ZNF451: variants seen among roughly 807,000 people sequenced by gnomAD.
The protein encoded by ZNF451 is zinc finger protein 451, also known as E3 SUMO-protein ligase ZNF451.
ZNF451 carries 80 observed loss-of-function variants against 107.1 expected under a neutral mutation model. The ratio of observed to expected loss-of-function variants is 0.75; its 90% CI spans 0.62 to 0.90. ZNF451 has a LOEUF of 0.90. ZNF451 is among the 40% of genes least tolerant of loss of function. ZNF451 has a pLI of 0.00. For missense variants in ZNF451, 1,107 were observed against 1,236.2 expected, an observed-to-expected ratio of 0.90 and a Z score of 1.57; for synonymous variants, 362 against 406.5, an observed-to-expected ratio of 0.89 and a Z score of 1.32.
chr6:57,141,491 A>G, intron 8 of ZNF451, 36 bp downstream of exon 8: 1 of 1,556,186 alleles, frequency 6.4e-7, no homozygotes, highest in East Asian at 2.3e-5. Context: ...AAATTAAACT[A>G]CTTGAATCTT....
At position 57,166,189 on chromosome 6, in the gene ZNF451, G is replaced by A. The variant is rs566717046; in HGVS notation, c.3140-2234G>A. Among the ~76,000 whole-genome samples the A allele has an allele frequency of 1.2e-4, 19 of 152,118 alleles. No homozygotes were observed. In the South Asian group the frequency reaches 3.3e-3, roughly 27 times the overall value. On this transcript the variant is annotated intron_variant, in intron 14 of 14. Transcript: ENST00000370706. Reference sequence around the variant, plus strand: ...ATTATAGGCATGTGCCACCACGCCCGCCTAATTTTTGTATTTTTGGTAGAG... The same window carrying A: ...ATTATAGGCATGTGCCACCACGCCCACCTAATTTTTGTATTTTTGGTAGAG...
rs534112464 is a variant in ZNF451 at position 57,133,733 on chromosome 6, T to G, written c.575+541T>G. Among the ~76,000 whole-genome samples the G allele has an allele frequency of 4.6e-5, 7 of 152,292 alleles. No individual in the cohort carries two copies. The South Asian group carries it at 1.2e-3, about 27-fold the overall frequency. ...CAGGATCTCACTCTGTCGCCCAGGA[T>G]GGAGTGCAGTGCAGCTTCCACCTCC... On this transcript the variant is annotated intron_variant, in intron 6 of 14. Coordinates refer to ENST00000370706, the MANE Select transcript of ZNF451 (RefSeq NM_001031623.3).
chr6:57,107,495 T>G, intron 3 of ZNF451: 1 of 985,156 alleles, frequency 1.0e-6, no homozygotes, highest in Non-Finnish European at 1.2e-6. Context: ...GTAGTAGTAT[T>G]TTCTCATTTC....
At chr6:57,160,997 G>C (rs1763648038) in intron 13 of ZNF451, 87 bp from the exon 14 acceptor site, 3 of 796,040 alleles carry the variant, frequency 3.8e-6, no homozygotes, top group Non-Finnish European at 5.8e-6. Flanking sequence ...TAATGAGTAA[G>C]CTTGGGTATG....
chr6:57,129,192 G>C (rs889698133), intron 5 of ZNF451, among the ~76,000 whole-genome samples: 14 of 152,132 alleles, frequency 9.2e-5, no homozygotes, highest in African/African-American at 3.4e-4. Context: ...TAAGGAAATG[G>C]AATTTAAACT....
At chr6:57,145,780 T>C (rs1239394975) in intron 9 of ZNF451, among the ~76,000 whole-genome samples, 1 of 152,142 alleles carries the variant, frequency 6.6e-6, no homozygotes, top group Non-Finnish European at 1.5e-5. Flanking sequence ...AGGTGTCTTT[T>C]TGATATAATG....
chr6:57,107,733 T>C (rs1192403351), intron 3 of ZNF451: 1 of 985,346 alleles, frequency 1.0e-6, no homozygotes, highest in Non-Finnish European at 1.2e-6. Context: ...TCAGGCTGTC[T>C]GTATTTTCTT....
At chr6:57,107,681 G>A in intron 3 of ZNF451, 1 of 985,366 alleles carries the variant, frequency 1.0e-6, no homozygotes, top group Non-Finnish European at 1.2e-6. Flanking sequence ...CAAATGGTCT[G>A]TTGGGTTTTG....
At chr6:57,105,312 ATG>A (rs1163212860) in intron 3 of ZNF451, 1 of 981,942 alleles carries the variant, frequency 1.0e-6, no homozygotes, top group Non-Finnish European at 1.2e-6. Context: ...TAGATATACA[ATG>A]TATATAGAGA....
rs1831748913 is a variant in ZNF451 at position 57,141,359 on chromosome 6, G to C, written c.760G>C (p.Ala254Pro). 6.2e-7 allele frequency: 1 copy of C among 1,612,960 alleles called. No homozygotes were observed. The change falls in exon 8 of 15, where the codon GCA (alanine) becomes CCA (proline). Residue 254 changes from alanine (A) to proline (P), a missense_variant. By Grantham distance (27) the Ala-to-Pro change is conservative. Coordinates refer to ENST00000370706, the MANE Select transcript of ZNF451 (RefSeq NM_001031623.3). ...TCTTCCTCAGATTATTCAGTGTTTTGCATGTCCAAATTGCTTCCTTCTTTT... is the reference window on the plus strand; with the variant it reads ...TCTTCCTCAGATTATTCAGTGTTTTCCATGTCCAAATTGCTTCCTTCTTTT... Reference protein sequence around the residue: ...NLLPQIIQCFACPNCFLLFSR... With the variant: ...NLLPQIIQCFPCPNCFLLFSR...
At position 57,137,927 on chromosome 6, in the gene ZNF451, G is replaced by A. The variant is rs138534275; in HGVS notation, c.702+3057G>A. Among the ~76,000 whole-genome samples, 182 of 152,258 alleles carry A rather than the reference G, an allele frequency of 1.2e-3. 1 individual carries two copies. The East Asian group carries it at 0.032, about 27-fold the overall frequency. ...CTTATTCATATGGTAGCATGTATCA[G>A]TACTTCATTTCTTTTCATTGCCAAA... On this transcript the variant is annotated intron_variant, in intron 7 of 14. Transcript: ENST00000370706.
At chr6:57,144,836 A>G (rs369725748) in intron 9 of ZNF451, among the ~76,000 whole-genome samples, 1 of 152,004 alleles carries the variant, frequency 6.6e-6, no homozygotes, top group African/African-American at 2.4e-5. Flanking sequence ...GGCTGAGGCA[A>G]GAGAATCGCT....
At chr6:57,101,595 C>T (rs1156495785) in intron 3 of ZNF451, 3 of 1,550,742 alleles carry the variant, frequency 1.9e-6, no homozygotes, top group East Asian at 4.9e-5. Context: ...GCTACATGGC[C>T]TATATGACTC....
chr6:57,104,395 G>A (rs1243162256), intron 3 of ZNF451: 2 of 985,184 alleles, frequency 2.0e-6, no homozygotes, highest in Non-Finnish European at 2.4e-6. Context: ...ACTAGCTAAG[G>A]CTACTTCAGA....
At chr6:57,140,210 G>C (rs969746237) in intron 7 of ZNF451, among the ~76,000 whole-genome samples, 1 of 151,930 alleles carries the variant, frequency 6.6e-6, no homozygotes, top group Middle Eastern at 3.2e-3. Context: ...AACACATCTG[G>C]GTAGCCAAAA....
At chr6:57,138,737 A>ATGTG (rs1291098237) in intron 7 of ZNF451, among the ~76,000 whole-genome samples, 46 of 91,254 alleles carry the variant, frequency 5.0e-4, no homozygotes, top group East Asian at 1.5e-3. Flanking sequence ...ATATATATAT[A>ATGTG]TATATGTGTG....
rs543533701 is a variant in ZNF451, at chr6:57,109,750, C to T, written c.186+10609C>T. On this transcript the variant is annotated intron_variant, in intron 3 of 14. Coordinates refer to ENST00000370706, the MANE Select transcript of ZNF451 (RefSeq NM_001031623.3). The stretch of plus-strand genomic sequence containing the variant: ...TTTCTCAAGTACAAGCTAAGAAATG[C>T]TCATAATAATAAAATAAGAGAATGT... 1.9e-5 allele frequency: 17 copies of T among 911,422 alleles called. No individual in the cohort carries two copies. The East Asian group carries it at 1.5e-3, about 82-fold the overall frequency. 56.5% of individuals were successfully genotyped at this position (911,422 alleles called of 1,614,324 possible).
chr6:57,104,223 GA>G (rs1829740182), intron 3 of ZNF451: 1 of 985,350 alleles, frequency 1.0e-6, no homozygotes, highest in African/African-American at 1.7e-5. Flanking sequence ...AAAGGCCTAA[GA>G]AATCATACAT....
intron 2 of ZNF451, among the ~76,000 whole-genome samples, chr6:57,093,451 A>G (rs2127930014): frequency 6.6e-6 from 1 of 152,328 alleles, no homozygotes; most frequent in Non-Finnish European, 1.5e-5. Context: ...TTTAATAAAT[A>G]AAAAGTGTTG....
Sources: gnomAD v4.1 joint callset for allele counts (sites outside exome capture counted in the v4.1 genomes callset) on GRCh38, gnomAD v4.1.1 for gene constraint, MANE v1.5 for transcripts, NCBI Gene and HGNC (gene_info 2026-07-23, HGNC 2026-07-21) for gene names.